The following HOXC6 variants were observed in gnomAD, a reference collection of about 807,000 sequenced individuals.
HOXC6 encodes homeobox C6.
Under a neutral mutation model 24.0 loss-of-function variants are expected in HOXC6, and 10 were observed. The observed-to-expected ratio is 0.42, with a 90% CI of 0.26 to 0.71. The LOEUF is 0.71. Among genes scored for constraint, HOXC6 ranks in the 30% least tolerant of loss-of-function variants. HOXC6 has a pLI of 0.28. For missense variants in HOXC6, 258 were observed against 303.4 expected (o/e 0.85, Z 1.11); for synonymous variants, 123 against 128.1 (o/e 0.96, Z 0.27).
chr12:54,027,831 T>C (rs551926154), upstream of HOXC6, among the ~76,000 whole-genome samples: 66 of 152,266 alleles, frequency 4.3e-4, no homozygotes, highest in South Asian at 8.3e-4. Context: ...ACATCCCTAC[T>C]ACATTCAAGA....
chr12:54,025,945 C>G (rs192153782), upstream of HOXC6, among the ~76,000 whole-genome samples: 3 of 152,266 alleles, frequency 2.0e-5, no homozygotes, highest in East Asian at 1.9e-4. Context: ...TTCCCTCCCC[C>G]ACCCAGACAT....
intron 1 of HOXC6, among the ~76,000 whole-genome samples, chr12:54,018,135 C>G (rs1940247774): frequency 6.8e-6 from 1 of 147,690 alleles, no homozygotes; most frequent in African/African-American, 2.5e-5. Context: ...AGGTGCCCTG[C>G]GTTGGGTGGA....
At chr12:54,024,157 A>C (rs1940576109), upstream of HOXC6, among the ~76,000 whole-genome samples, 1 of 152,100 alleles carries the variant, frequency 6.6e-6, no homozygotes, top group South Asian at 2.1e-4. Flanking sequence ...TCTCCGTAAG[A>C]GGGATTTTAG....
chr12:54,018,340 T>A (rs1940259839), intron 1 of HOXC6, among the ~76,000 whole-genome samples: 1 of 151,976 alleles, frequency 6.6e-6, no homozygotes, highest in Admixed American at 6.5e-5. Flanking sequence ...AGGACCTGCC[T>A]CGCCTCGGGG....
At chr12:54,018,461 T>C (rs974932482) in intron 1 of HOXC6, among the ~76,000 whole-genome samples, 3 of 152,256 alleles carry the variant, frequency 2.0e-5, no homozygotes, top group Middle Eastern at 3.4e-3. Context: ...TGCTGGCTTA[T>C]GGGGTAGAGG....
At chr12:54,017,964 A>C (rs959271930) in intron 1 of HOXC6, among the ~76,000 whole-genome samples, 1 of 152,030 alleles carries the variant, frequency 6.6e-6, no homozygotes, top group South Asian at 2.1e-4. Context: ...GTGTGGGCCC[A>C]GGGCCGGGCC....
upstream of HOXC6, among the ~76,000 whole-genome samples, chr12:54,025,536 G>T (rs1401744868): frequency 1.8e-5 from 1 of 55,402 alleles, no homozygotes; most frequent in Non-Finnish European, 6.2e-5. Flanking sequence ...TTGGGGGGGG[G>T]GGAGGTGTTG....
chr12:54,023,223 G>C (rs1940529801), intron 1 of HOXC6, among the ~76,000 whole-genome samples: 1 of 152,228 alleles, frequency 6.6e-6, no homozygotes, highest in Admixed American at 6.5e-5. Flanking sequence ...TTTCCAGATG[G>C]AGCTGGAAGG....
At chr12:54,027,903 AT>A (rs937846599), upstream of HOXC6, among the ~76,000 whole-genome samples, 5 of 151,012 alleles carry the variant, frequency 3.3e-5, no homozygotes, top group South Asian at 2.1e-4. Context: ...TCTACTTTTG[AT>A]TTTTTTTTAA....
Position 54,029,810 on chromosome 12 carries a change from A to G in HOXC6, c.556A>G (p.Lys186Glu). 1 of 1,614,084 alleles carries G rather than the reference A, an allele frequency of 6.2e-7. No homozygotes were observed. The highest frequency in any genetic ancestry group is 8.5e-7 in the Non-Finnish European group (1 of 1,180,020). Residue 186 changes from lysine (K) to glutamate (E), a missense_variant, in exon 2 of 2, where the codon AAA (lysine) becomes GAA (glutamate). Transcript: ENST00000243108. ...GCTTTGCCTGACCGAGCGACAGATC[A>G]AAATCTGGTTCCAGAACCGCCGGAT... ...NALCLTERQIKIWFQNRRMKW... is the reference protein window; with the variant it reads ...NALCLTERQIEIWFQNRRMKW...
intron 1 of HOXC6, chr12:54,017,483 G>C (rs903454298): frequency 6.6e-6 from 1 of 152,002 alleles, no homozygotes; most frequent in Admixed American, 6.5e-5. Context: ...TAGGACAGCA[G>C]CGGCTTCTCT....
chr12:54,030,213 T>C lies in HOXC6; in HGVS notation c.*251T>C. On this transcript the variant is annotated 3_prime_UTR_variant, in exon 2 of 2. Coordinates refer to ENST00000243108, the MANE Select transcript of HOXC6 (RefSeq NM_004503.4). The stretch of plus-strand genomic sequence containing the variant: ...CGTTCTCGGCTTGTCTACAGGCCCT[T>C]TTCCCCGTCCAGGCCTTGGGGGCTC... 1 of 395,212 alleles carries C rather than the reference T, an allele frequency of 2.5e-6. No individual in the cohort carries two copies. The highest frequency in any genetic ancestry group is 4.0e-5 in the East Asian group (1 of 24,714). 24.5% of individuals were successfully genotyped at this position (395,212 alleles called of 1,614,324 possible).
At chr12:54,020,013 C>T (rs772029252) in intron 1 of HOXC6, 9 of 152,258 alleles carry the variant, frequency 5.9e-5, no homozygotes, top group African/African-American at 2.2e-4. Context: ...GACTCCAACA[C>T]CAACTCTCTG....
chr12:54,027,267 G>A (rs1940760817), upstream of HOXC6, among the ~76,000 whole-genome samples: 1 of 152,184 alleles, frequency 6.6e-6, no homozygotes, highest in Non-Finnish European at 1.5e-5. Context: ...TGGCACTTGG[G>A]TGAGAGCTCC....
At chr12:54,021,455 C>T (rs987669396) in intron 1 of HOXC6, 1 of 152,266 alleles carries the variant, frequency 6.6e-6, no homozygotes, top group African/African-American at 2.4e-5. Flanking sequence ...GGCCTCCTTT[C>T]CCAGCCTTTT....
intron 1 of HOXC6, among the ~76,000 whole-genome samples, chr12:54,029,385 C>G (rs991783579): frequency 1.3e-5 from 2 of 149,610 alleles, no homozygotes; most frequent in Admixed American, 6.6e-5. Context: ...TTGCAGCTTT[C>G]TGTTTGCCTT....
chr12:54,030,534 A>G lies in HOXC6; in HGVS notation c.*572A>G, dbSNP rs1239954063. 6.5e-6 allele frequency: 1 copy of G among 152,678 alleles called. No homozygotes were observed. The allele number at this position is 152,678 out of a possible 1,614,324, so 9.5% of individuals were successfully genotyped here. On this transcript the variant is annotated 3_prime_UTR_variant, in exon 2 of 2. Coordinates refer to ENST00000243108, the MANE Select transcript of HOXC6 (RefSeq NM_004503.4). ...TATTTAAAGAATCCTGGGGGTCATTATGGCATTTTACAAACTGTGACCGTT... is the reference window on the plus strand; with the variant it reads ...TATTTAAAGAATCCTGGGGGTCATTGTGGCATTTTACAAACTGTGACCGTT...
upstream of HOXC6, among the ~76,000 whole-genome samples, chr12:54,026,903 C>CG (rs1940728566): frequency 1.3e-5 from 2 of 151,950 alleles, no homozygotes; most frequent in Admixed American, 1.3e-4. Context: ...TCATAAAATC[C>CG]GGCGACATCC....
chr12:54,029,044 T>A, intron 1 of HOXC6, 123 bp downstream of exon 1: 1 of 928,088 alleles, frequency 1.1e-6, no homozygotes, highest in Non-Finnish European at 1.6e-6. Context: ...GCTCGTCTCC[T>A]CACCGAGACA....
Sources: allele counts gnomAD v4.1 joint callset (sites outside exome capture counted in the v4.1 genomes callset), GRCh38; gene constraint gnomAD v4.1.1; transcripts MANE v1.5; gene names NCBI Gene and HGNC (gene_info 2026-07-23, HGNC 2026-07-21).